Variants in PRKN observed in about 807,000 individuals in gnomAD.
PRKN encodes E3 ubiquitin-protein ligase parkin.
In PRKN, 56 loss-of-function variants were observed where a neutral mutation model predicts 59.5. The ratio of observed to expected loss-of-function variants is 0.94; its 90% CI spans 0.76 to 1.18. The LOEUF is 1.18. Ranked by LOEUF, PRKN falls within the 50% of genes most tolerant of loss-of-function variation. The pLI is 0.00. For synonymous variants in PRKN, 250 were observed against 222.1 expected, an observed-to-expected ratio of 1.13 and a Z score of -1.12; for missense variants, 657 against 596.4, an observed-to-expected ratio of 1.10 and a Z score of -1.06.
intron 9 of PRKN, among the ~76,000 whole-genome samples, chr6:161,493,922 TATCTCCGCAC>T (rs1777648409): frequency 6.6e-6 from 1 of 152,290 alleles, no homozygotes; most frequent in Non-Finnish European, 1.5e-5. Flanking sequence ...AACACAGGGC[TATCTCCGCAC>T]AGACAAGACA....
At chr6:161,752,617 T>C (rs1788744189) in intron 7 of PRKN, among the ~76,000 whole-genome samples, 1 of 152,076 alleles carries the variant, frequency 6.6e-6, no homozygotes, top group African/African-American at 2.4e-5. Context: ...TGCTCAAGCC[T>C]GGAAGGTCAA....
At chr6:161,625,062 T>C (rs556812413) in intron 7 of PRKN, among the ~76,000 whole-genome samples, 1 of 152,340 alleles carries the variant, frequency 6.6e-6, no homozygotes, top group South Asian at 2.1e-4. Context: ...AAAAGTCCTA[T>C]GCCCTTTTTA....
chr6:161,871,359 T>C (rs541856296), intron 6 of PRKN, among the ~76,000 whole-genome samples: 1 of 152,230 alleles, frequency 6.6e-6, no homozygotes, highest in Admixed American at 6.5e-5. Context: ...AGAGCCCTAC[T>C]TTGTATTAAT....
In PRKN at chr6:161,378,514, C is replaced by T. The variant is rs1415178972; in HGVS notation, c.1167+8280G>A. 2.0e-5 allele frequency among the ~76,000 whole-genome samples: 3 copies of T among 152,192 alleles called. No homozygotes were observed. The highest frequency in any genetic ancestry group is 4.4e-5 in the Non-Finnish European group (3 of 68,034). On this transcript the variant is annotated intron_variant, in intron 10 of 11. Transcript: ENST00000366898. The surrounding 1 kb of genome is among the most constrained non-coding windows in gnomAD (Gnocchi z 7.3). The stretch of plus-strand genomic sequence containing the variant: ...GACACCAGGGAAGATGAAGACACTC[C>T]ATCTTGACAGGAAGTGACTCCTTTT...
chr6:161,477,248 T>C (rs1432545698), intron 9 of PRKN, among the ~76,000 whole-genome samples: 1 of 152,206 alleles, frequency 6.6e-6, no homozygotes, highest in Non-Finnish European at 1.5e-5. Flanking sequence ...CCAGGCGCGG[T>C]GGCTCACGCC....
At chr6:162,532,432 C>T (rs938526374) in intron 1 of PRKN, among the ~76,000 whole-genome samples, 4 of 152,212 alleles carry the variant, frequency 2.6e-5, no homozygotes, top group African/African-American at 4.8e-5. Flanking sequence ...ATCTTTGCTT[C>T]ATCTCTTGCA....
rs1456575655 is a variant in PRKN at position 162,540,222 on chromosome 6, ATTTTATT to A, written c.8-96756_8-96750del. On this transcript the variant is annotated intron_variant, in intron 1 of 11. Transcript: ENST00000366898. ...TGAGCCACTGCACCCAGCTGAATTT[ATTTTATT>A]TTTTATTTTTTATTTTTTGAGATAG... Among the ~76,000 whole-genome samples the A allele has an allele frequency of 1.4e-3, 214 of 151,818 alleles. 3 individuals carry two copies. The highest frequency in any genetic ancestry group is 4.8e-3 in the African/African-American group (199 of 41,418).
chr6:162,335,841 G>C (rs2128126213), intron 2 of PRKN, among the ~76,000 whole-genome samples: 1 of 151,898 alleles, frequency 6.6e-6, no homozygotes, highest in East Asian at 1.9e-4. Context: ...AGCGAGGGTG[G>C]CCAACTCTTC....
At chr6:162,012,226 G>C (rs1782755577) in intron 5 of PRKN, among the ~76,000 whole-genome samples, 1 of 151,980 alleles carries the variant, frequency 6.6e-6, no homozygotes, top group Admixed American at 6.6e-5. Flanking sequence ...ATATAGAACA[G>C]TTGCAAAAAT....
rs963216189 is a variant in PRKN at position 161,548,009 on chromosome 6, G to C, written c.1083+845C>G. 1.8e-4 allele frequency among the ~76,000 whole-genome samples: 27 copies of C among 152,284 alleles called. No individual in the cohort carries two copies. Among genetic ancestry groups the C allele is most frequent in the East Asian group, 1.7e-3 (9 of 5,188 alleles). ...CAGTGCTCAGCCCCAAATCAAGACT[G>C]GCTAATACAACTCTGCTATCTGTGC... On this transcript the variant is annotated intron_variant, in intron 9 of 11. Transcript: ENST00000366898. The surrounding 1 kb of genome is among the most constrained non-coding windows in gnomAD (Gnocchi z 4.2).
intron 2 of PRKN, among the ~76,000 whole-genome samples, chr6:162,367,130 A>AG (rs1322522336): frequency 1.3e-5 from 2 of 152,028 alleles, no homozygotes; most frequent in East Asian, 3.9e-4. Context: ...ATGAGTTCTC[A>AG]GGGGAGCTGA....
chr6:162,467,482 A>G (rs1243683631), intron 1 of PRKN, among the ~76,000 whole-genome samples: 2 of 152,136 alleles, frequency 1.3e-5, no homozygotes, highest in African/African-American at 4.8e-5. Flanking sequence ...CATGATAAAA[A>G]TTTAGCGATC....
chr6:162,552,345 C>T (rs907068788), intron 1 of PRKN, among the ~76,000 whole-genome samples: 4 of 152,010 alleles, frequency 2.6e-5, no homozygotes, highest in Admixed American at 6.6e-5. Context: ...AATAAGAGTA[C>T]CTTGAACACT....
intron 7 of PRKN, among the ~76,000 whole-genome samples, chr6:161,766,622 C>A (rs1371029156): frequency 6.6e-6 from 1 of 152,130 alleles, no homozygotes; most frequent in East Asian, 1.9e-4. Flanking sequence ...TTCCACAGAA[C>A]ACAGTTTGAT....
chr6:162,669,710 G>A (rs1779249172), intron 1 of PRKN, among the ~76,000 whole-genome samples: 1 of 152,092 alleles, frequency 6.6e-6, no homozygotes, highest in African/African-American at 2.4e-5. Flanking sequence ...ACTGACATGA[G>A]CTAATTTGCA....
At chr6:161,524,244 T>G (rs191982012) in intron 9 of PRKN, among the ~76,000 whole-genome samples, 10 of 152,280 alleles carry the variant, frequency 6.6e-5, no homozygotes, top group Admixed American at 6.5e-4. Flanking sequence ...CCATGAAAAA[T>G]GACTCCATAT....
intron 1 of PRKN, among the ~76,000 whole-genome samples, chr6:162,542,485 GT>G (rs1329031701): frequency 6.6e-6 from 1 of 152,074 alleles, no homozygotes; most frequent in Admixed American, 6.6e-5. Context: ...TGCCATAAAT[GT>G]TTTACATACG....
chr6:161,901,662 G>A (rs778215468), intron 6 of PRKN, among the ~76,000 whole-genome samples: 5 of 152,160 alleles, frequency 3.3e-5, no homozygotes, highest in Non-Finnish European at 5.9e-5. Flanking sequence ...TTTAAACAGG[G>A]AGAAGGACAT....
chr6:162,216,846 G>T (rs1437366788), intron 3 of PRKN, among the ~76,000 whole-genome samples: 1 of 152,128 alleles, frequency 6.6e-6, no homozygotes, highest in African/African-American at 2.4e-5. Context: ...CTTTCTTTTG[G>T]TTCTGTATTT....
Sources: allele counts gnomAD v4.1 joint callset (sites outside exome capture counted in the v4.1 genomes callset), GRCh38; gene constraint gnomAD v4.1.1; non-coding constraint Gnocchi (gnomAD v3.1); transcripts MANE v1.5; gene names NCBI Gene and HGNC (gene_info 2026-07-23, HGNC 2026-07-21).